The following TTC29 variants were observed in gnomAD, a reference collection of about 807,000 sequenced individuals.
TTC29 encodes tetratricopeptide repeat protein 29.
A neutral mutation model predicts 58.1 loss-of-function variants in TTC29; 49 were observed. The observed-to-expected ratio is 0.84, with a 90% CI of 0.67 to 1.07. The LOEUF is 1.07. Among genes scored for constraint, TTC29 ranks in the 50% least tolerant of loss-of-function variants. The pLI is 0.00. For synonymous variants in TTC29, 209 were observed against 196.8 expected (o/e 1.06, Z -0.52); for missense variants, 582 against 555.6 (o/e 1.05, Z -0.48).
chr4:146,839,338 A>G (rs929983842), intron 8 of TTC29, among the ~76,000 whole-genome samples: 2 of 152,084 alleles, frequency 1.3e-5, no homozygotes, highest in African/African-American at 4.8e-5. Context: ...ACTAGCTAAA[A>G]GATTTGTAAT....
At chr4:146,803,370 G>A (rs769954859) in intron 11 of TTC29, 87 bp downstream of exon 11, 20 of 960,248 alleles carry the variant, frequency 2.1e-5, no homozygotes, top group African/African-American at 5.0e-5. Context: ...TAAAATCACC[G>A]ACATTTGAGT....
intron 6 of TTC29, among the ~76,000 whole-genome samples, chr4:146,891,686 A>G: frequency 6.6e-6 from 1 of 152,326 alleles, no homozygotes; most frequent in Admixed American, 6.5e-5. Context: ...TGGCCTGGGC[A>G]GATACTGGTG....
chr4:146,783,869 A>G (rs1285653219), intron 11 of TTC29, among the ~76,000 whole-genome samples: 1 of 152,092 alleles, frequency 6.6e-6, no homozygotes, highest in Admixed American at 6.6e-5. Context: ...AGATAAAGAG[A>G]GAACTATGGG....
At chr4:146,718,613 C>T (rs1185834678) in intron 11 of TTC29, among the ~76,000 whole-genome samples, 1 of 151,950 alleles carries the variant, frequency 6.6e-6, no homozygotes, top group Non-Finnish European at 1.5e-5. Flanking sequence ...GTTATTAATC[C>T]CTTATCAGAT....
chr4:146,927,374 A>C (rs1173346043), intron 4 of TTC29, among the ~76,000 whole-genome samples: 2 of 152,128 alleles, frequency 1.3e-5, no homozygotes, highest in African/African-American at 4.8e-5. Context: ...GTATGGTTTA[A>C]AAATTCATGC....
At chr4:146,723,619 G>T (rs867770266) in intron 11 of TTC29, among the ~76,000 whole-genome samples, 5 of 152,266 alleles carry the variant, frequency 3.3e-5, no homozygotes, top group Middle Eastern at 6.8e-3. Context: ...GCCAACAAAC[G>T]TATGAGAAAG....
intron 4 of TTC29, among the ~76,000 whole-genome samples, chr4:146,915,157 A>G (rs1734139477): frequency 6.6e-6 from 1 of 152,156 alleles, no homozygotes; most frequent in Non-Finnish European, 1.5e-5. Context: ...AGTAAATGGC[A>G]GAGTTGGAAT....
intron 11 of TTC29, among the ~76,000 whole-genome samples, chr4:146,778,976 CAAAAA>C (rs369374851): frequency 7.0e-5 from 2 of 28,538 alleles, no homozygotes; most frequent in Non-Finnish European, 1.1e-4. Flanking sequence ...CCTAAATAAG[CAAAAA>C]AAAAAAAAAA....
chr4:146,820,022 T>C, intron 10 of TTC29, 103 bp downstream of exon 10: 1 of 1,467,948 alleles, frequency 6.8e-7, no homozygotes, highest in Non-Finnish European at 9.4e-7. Context: ...CTGCATAATA[T>C]ATTGTGGGAA....
chr4:146,873,175 G>C (rs1040173190), intron 7 of TTC29, among the ~76,000 whole-genome samples: 3 of 152,048 alleles, frequency 2.0e-5, no homozygotes, highest in African/African-American at 7.2e-5. Context: ...CCAATGTGAG[G>C]GGCATGCTTT....
intron 11 of TTC29, among the ~76,000 whole-genome samples, chr4:146,759,557 T>C (rs1746714128): frequency 6.6e-6 from 1 of 151,978 alleles, no homozygotes; most frequent in South Asian, 2.1e-4. Flanking sequence ...GCTAACTGAA[T>C]CCAACAACAT....
chr4:146,802,503 G>T (rs1750302250), intron 11 of TTC29, among the ~76,000 whole-genome samples: 1 of 152,150 alleles, frequency 6.6e-6, no homozygotes, highest in Non-Finnish European at 1.5e-5. Flanking sequence ...AGGACGGTGG[G>T]TAGTTAAGTA....
intron 6 of TTC29, among the ~76,000 whole-genome samples, chr4:146,894,279 C>T (rs1341092460): frequency 6.6e-6 from 1 of 152,082 alleles, no homozygotes; most frequent in African/African-American, 2.4e-5. Flanking sequence ...TGGAACCAAC[C>T]CAAACGTCCA....
chr4:146,881,208 C>G (rs1731603015), intron 6 of TTC29, among the ~76,000 whole-genome samples: 2 of 152,240 alleles, frequency 1.3e-5, no homozygotes, highest in East Asian at 1.9e-4. Flanking sequence ...CTCCATGCAT[C>G]AGCAATTCTG....
At chr4:146,867,047 C>T (rs1393007725) in intron 8 of TTC29, among the ~76,000 whole-genome samples, 2 of 152,170 alleles carry the variant, frequency 1.3e-5, no homozygotes, top group South Asian at 2.1e-4. Flanking sequence ...TCTGTTGCCT[C>T]CCCACTACCT....
chr4:146,900,934 T>C (rs28403939), intron 6 of TTC29, among the ~76,000 whole-genome samples: 2,259 of 152,326 alleles, frequency 0.015, 43 homozygotes, highest in African/African-American at 0.051. Flanking sequence ...TTATGACAGC[T>C]ATCTGAATCT....
intron 8 of TTC29, among the ~76,000 whole-genome samples, chr4:146,849,792 A>G (rs1439031846): frequency 6.6e-6 from 1 of 152,012 alleles, no homozygotes; most frequent in East Asian, 1.9e-4. Context: ...CCCCAGGCAC[A>G]CTGCCACCTT....
intron 11 of TTC29, among the ~76,000 whole-genome samples, chr4:146,731,519 T>C (rs2150021556): frequency 6.6e-6 from 1 of 152,226 alleles, no homozygotes; most frequent in Admixed American, 6.5e-5. Flanking sequence ...GCTAGTGTTA[T>C]GGTTTCACTA....
At chr4:146,741,733 A>C (rs1228335927) in intron 11 of TTC29, among the ~76,000 whole-genome samples, 1 of 151,786 alleles carries the variant, frequency 6.6e-6, no homozygotes, top group Non-Finnish European at 1.5e-5. Context: ...TACCTAAAAC[A>C]CTCTATGTTT....
Sources: allele counts gnomAD v4.1 joint callset (sites outside exome capture counted in the v4.1 genomes callset), GRCh38; gene constraint gnomAD v4.1.1; transcripts MANE v1.5; gene names NCBI Gene and HGNC (gene_info 2026-07-23, HGNC 2026-07-21).